IMMP2L: variants seen among roughly 807,000 people sequenced by gnomAD.
The protein encoded by IMMP2L is inner mitochondrial membrane peptidase subunit 2.
Under a neutral mutation model 19.3 loss-of-function variants are expected in IMMP2L, and 18 were observed. That is an observed-to-expected ratio of 0.93 (90% confidence interval 0.64 to 1.38). The LOEUF is 1.38. Ranked by LOEUF, IMMP2L falls within the 40% of genes most tolerant of loss-of-function variation. The pLI is 0.00. For synonymous variants in IMMP2L, 76 were observed against 73.0 expected (o/e 1.04, Z -0.21); for missense variants, 233 against 218.2 (o/e 1.07, Z -0.43).
rs567139278 is a variant in IMMP2L at position 111,467,184 on chromosome 7, G to A, written c.239+20054C>T. ...ATCCTCACCCCAGCACCTACTGGGTGACCTTGGGCAAGTCACCCAATCTCT... is the reference window on the plus strand; with the variant it reads ...ATCCTCACCCCAGCACCTACTGGGTAACCTTGGGCAAGTCACCCAATCTCT... On this transcript the variant is annotated intron_variant, in intron 3 of 5. Transcript: ENST00000405709. Among the ~76,000 whole-genome samples, 10 of 152,258 alleles carry A rather than the reference G, an allele frequency of 6.6e-5. No homozygotes were observed. The South Asian group carries it at 2.1e-3, about 32-fold the overall frequency.
intron 2 of IMMP2L, among the ~76,000 whole-genome samples, chr7:111,495,315 T>G (rs971945423): frequency 1.3e-5 from 2 of 152,176 alleles, no homozygotes; most frequent in Admixed American, 6.5e-5. Context: ...TTAGTTTGTA[T>G]GCTTTGCTCT....
intron 3 of IMMP2L, among the ~76,000 whole-genome samples, chr7:111,283,619 A>G (rs1304929835): frequency 2.6e-5 from 4 of 152,110 alleles, no homozygotes; most frequent in Non-Finnish European, 5.9e-5. Flanking sequence ...AAACAAGAAC[A>G]CTACTCCAAG....
intron 3 of IMMP2L, among the ~76,000 whole-genome samples, chr7:111,486,602 C>T (rs1021268644): frequency 2.0e-5 from 3 of 152,098 alleles, no homozygotes; most frequent in Admixed American, 6.5e-5. Context: ...AGCAAACAAA[C>T]AAAAATCTCC....
At chr7:110,934,457 A>G (rs184459187) in intron 4 of IMMP2L, among the ~76,000 whole-genome samples, 35 of 152,198 alleles carry the variant, frequency 2.3e-4, no homozygotes, top group Admixed American at 2.2e-3. Flanking sequence ...TTTCTCTCAA[A>G]TCTTACTCCA....
At chr7:110,822,918 G>T (rs1018389044) in intron 5 of IMMP2L, among the ~76,000 whole-genome samples, 1 of 151,986 alleles carries the variant, frequency 6.6e-6, no homozygotes, top group Non-Finnish European at 1.5e-5. Context: ...TTCAAGGCTG[G>T]GGCCCCAGTA....
intron 3 of IMMP2L, chr7:111,124,892 TG>T (rs1236197330): frequency 6.4e-7 from 1 of 1,557,530 alleles, no homozygotes; most frequent in African/African-American, 1.4e-5. Context: ...CCAACAAATA[TG>T]TCCTAAAAAC....
intron 3 of IMMP2L, among the ~76,000 whole-genome samples, chr7:111,272,066 A>G (rs1818526625): frequency 1.3e-5 from 2 of 152,202 alleles, no homozygotes; most frequent in Non-Finnish European, 2.9e-5. Flanking sequence ...TGCAGACAGA[A>G]TAACTGTTAT....
intron 5 of IMMP2L, among the ~76,000 whole-genome samples, chr7:110,802,702 T>C (rs1801347015): frequency 6.6e-6 from 1 of 152,040 alleles, no homozygotes; most frequent in African/African-American, 2.4e-5. Flanking sequence ...TTATTGAACA[T>C]CTGCTCTCTT....
In IMMP2L at chr7:110,809,996, G is replaced by A. The variant is rs185474288; in HGVS notation, c.408+76597C>T. Among the ~76,000 whole-genome samples the A allele has an allele frequency of 1.8e-3, 279 of 152,132 alleles. 1 individual carries two copies. The highest frequency in any genetic ancestry group is 6.3e-3 in the African/African-American group (263 of 41,538). Reference sequence around the variant, plus strand: ...AACACGAAAGACAAAGCACACCAACGCCAACTCTAAGAGGTTGGTGGCTGG... The same window carrying A: ...AACACGAAAGACAAAGCACACCAACACCAACTCTAAGAGGTTGGTGGCTGG... On this transcript the variant is annotated intron_variant, in intron 5 of 5. Transcript: ENST00000405709.
At chr7:111,386,127 C>A (rs1183158079) in intron 3 of IMMP2L, among the ~76,000 whole-genome samples, 6 of 151,876 alleles carry the variant, frequency 4.0e-5, no homozygotes, top group African/African-American at 1.5e-4. Flanking sequence ...AACCTCCCAC[C>A]ACAGCCTCCC....
At chr7:110,835,000 G>C (rs1563010288) in intron 5 of IMMP2L, among the ~76,000 whole-genome samples, 1 of 152,146 alleles carries the variant, frequency 6.6e-6, no homozygotes, top group Admixed American at 6.5e-5. Context: ...ACAGGTGCCA[G>C]ATGGAAGCAT....
intron 4 of IMMP2L, among the ~76,000 whole-genome samples, chr7:110,949,328 C>G (rs1307135933): frequency 6.6e-6 from 1 of 152,066 alleles, no homozygotes; most frequent in Non-Finnish European, 1.5e-5. Flanking sequence ...GAAAATCTCA[C>G]TTAAATTAAC....
intron 3 of IMMP2L, among the ~76,000 whole-genome samples, chr7:110,991,555 TCCATAGGG>T (rs1408453699): frequency 1.3e-5 from 2 of 152,074 alleles, no homozygotes; most frequent in Non-Finnish European, 2.9e-5. Context: ...GAAACCTAGT[TCCATAGGG>T]CCATGCTGGC....
At chr7:110,908,702 T>C (rs1337595746) in intron 4 of IMMP2L, among the ~76,000 whole-genome samples, 1 of 152,246 alleles carries the variant, frequency 6.6e-6, no homozygotes, top group Non-Finnish European at 1.5e-5. Context: ...TCAGATGTGT[T>C]TGGTTTCTTT....
chr7:110,948,352 A>T (rs1239011152), intron 4 of IMMP2L, among the ~76,000 whole-genome samples: 2 of 152,222 alleles, frequency 1.3e-5, no homozygotes, highest in African/African-American at 4.8e-5. Flanking sequence ...GTTAGATAAT[A>T]TTTGAATATT....
chr7:111,074,219 A>G (rs1303708348), intron 3 of IMMP2L, among the ~76,000 whole-genome samples: 1 of 152,222 alleles, frequency 6.6e-6, no homozygotes, highest in African/African-American at 2.4e-5. Flanking sequence ...TTGAAGTCAG[A>G]GCAAAAATAA....
Position 111,209,705 on chromosome 7 carries a change from T to C in IMMP2L, c.240-246140A>G, listed in dbSNP as rs187408347. 2.6e-5 allele frequency among the ~76,000 whole-genome samples: 4 copies of C among 152,300 alleles called. No individual in the cohort carries two copies. In the East Asian group the frequency reaches 7.7e-4, roughly 29 times the overall value. On this transcript the variant is annotated intron_variant, in intron 3 of 5. Coordinates refer to ENST00000405709, the MANE Select transcript of IMMP2L (RefSeq NM_032549.4). ...ATAAGTCTCTAAAGAGACTGATCAC[T>C]CTAGCAACAACACAGAACAGTATTT...
intron 3 of IMMP2L, among the ~76,000 whole-genome samples, chr7:111,209,458 T>C (rs1811084080): frequency 1.3e-5 from 2 of 150,290 alleles, no homozygotes; most frequent in African/African-American, 2.5e-5. Flanking sequence ...AAAATTAATA[T>C]GTAGTTTCAG....
At chr7:111,286,585 T>C (rs1480000130) in intron 3 of IMMP2L, among the ~76,000 whole-genome samples, 1 of 152,188 alleles carries the variant, frequency 6.6e-6, no homozygotes, top group Non-Finnish European at 1.5e-5. Flanking sequence ...GAGACCGTTT[T>C]GATAAGGACA....
Sources: gnomAD v4.1 joint callset for allele counts (sites outside exome capture counted in the v4.1 genomes callset) on GRCh38, gnomAD v4.1.1 for gene constraint, MANE v1.5 for transcripts, NCBI Gene and HGNC (gene_info 2026-07-23, HGNC 2026-07-21) for gene names.